ZNF148: variants seen among roughly 807,000 people sequenced by gnomAD.
ZNF148 encodes the protein zinc finger protein 148.
A neutral mutation model predicts 67.7 loss-of-function variants in ZNF148; 7 were observed. The observed-to-expected ratio is 0.10, with a 90% confidence interval of 0.06 to 0.19. ZNF148 has a LOEUF of 0.19. Ranked by LOEUF, ZNF148 falls within the 10% of genes least tolerant of loss-of-function variation. The pLI, the probability that ZNF148 is intolerant of heterozygous loss-of-function variation, is 1.00. For missense variants in ZNF148, 583 were observed against 947.1 expected, an observed-to-expected ratio of 0.62 and a Z score of 5.05; for synonymous variants, 333 against 330.7, an observed-to-expected ratio of 1.01 and a Z score of -0.08.
At chr3:125,371,388 AG>A (rs1942879254) in intron 1 of ZNF148, among the ~76,000 whole-genome samples, 1 of 65,582 alleles carries the variant, frequency 1.5e-5, no homozygotes, top group East Asian at 4.6e-4. Flanking sequence ...GGGGGGGGGC[AG>A]GGCGAAGTGG....
In ZNF148 at chr3:125,344,278, G is replaced by A. The variant is rs954361904; in HGVS notation, c.-233-13040C>T. 9.5e-6 allele frequency: 4 copies of A among 421,438 alleles called. No homozygotes were observed. The South Asian group carries it at 1.0e-4, about 10-fold the overall frequency. 26.1% of individuals were successfully genotyped at this position (421,438 alleles called of 1,614,324 possible). On this transcript the variant is annotated intron_variant, in intron 1 of 8. Transcript: ENST00000360647. ...CCCACTACCACCAAACGACACGAAA[G>A]AGAATGAAGTGAAGCCCCCATGACC...
At chr3:125,357,992 T>C (rs1202659496) in intron 1 of ZNF148, among the ~76,000 whole-genome samples, 2 of 152,232 alleles carry the variant, frequency 1.3e-5, no homozygotes, top group Non-Finnish European at 2.9e-5. Context: ...CTTTCCATTT[T>C]ACTTTTCTAA....
intron 4 of ZNF148, among the ~76,000 whole-genome samples, chr3:125,299,630 T>C (rs1939482251): frequency 6.6e-6 from 1 of 152,212 alleles, no homozygotes; most frequent in Non-Finnish European, 1.5e-5. Context: ...GTGAGGATAC[T>C]GAAAAATAGA....
At chr3:125,280,517 A>G (rs1490962230) in intron 5 of ZNF148, among the ~76,000 whole-genome samples, 7 of 151,940 alleles carry the variant, frequency 4.6e-5, no homozygotes, top group Admixed American at 1.3e-4. Flanking sequence ...CCCCGTCTCC[A>G]CTAAAATACA....
intron 3 of ZNF148, among the ~76,000 whole-genome samples, chr3:125,322,639 G>A: frequency 6.6e-6 from 1 of 152,150 alleles, no homozygotes; most frequent in Non-Finnish European, 1.5e-5. Flanking sequence ...AAGAAGAGCA[G>A]AGCAAGACAA....
intron 7 of ZNF148, among the ~76,000 whole-genome samples, chr3:125,271,943 T>A (rs898533235): frequency 1.1e-4 from 17 of 152,244 alleles, no homozygotes; most frequent in Admixed American, 9.8e-4. Context: ...TGTGTGTTTC[T>A]GAATCGATTA....
At chr3:125,234,109 G>C (rs1935975971) in intron 8 of ZNF148, 102 bp downstream of exon 8, 1 of 1,218,816 alleles carries the variant, frequency 8.2e-7, no homozygotes, top group Non-Finnish European at 1.1e-6. Flanking sequence ...GTAAGAGTTA[G>C]AAGGCCCCTT....
intron 7 of ZNF148, among the ~76,000 whole-genome samples, chr3:125,254,788 T>TATGAAA (rs1241499800): frequency 6.6e-6 from 1 of 152,228 alleles, no homozygotes; most frequent in African/African-American, 2.4e-5. Context: ...TCTGTTTTGA[T>TATGAAA]ATGAATCTAA....
At chr3:125,309,914 A>C (rs1281990642) in intron 4 of ZNF148, among the ~76,000 whole-genome samples, 1 of 152,196 alleles carries the variant, frequency 6.6e-6, no homozygotes, top group African/African-American at 2.4e-5. Context: ...TGGGCCATAA[A>C]ATACAATCTA....
chr3:125,345,581 T>TAACAAA (rs1553713882), intron 1 of ZNF148, among the ~76,000 whole-genome samples: 1 of 150,578 alleles, frequency 6.6e-6, no homozygotes, highest in Non-Finnish European at 1.5e-5. Context: ...CTATCAAAAC[T>TAACAAA]AACAACAACA....
At chr3:125,364,650 AGTT>A (rs60485266) in intron 1 of ZNF148, among the ~76,000 whole-genome samples, 114,592 of 151,744 alleles carry the variant, frequency 0.76, 43,794 homozygotes, top group African/African-American at 0.85. Context: ...TCAGAATAAT[AGTT>A]ATTTTTGGTT....
At chr3:125,260,269 A>G (rs1937278225) in intron 7 of ZNF148, among the ~76,000 whole-genome samples, 1 of 152,134 alleles carries the variant, frequency 6.6e-6, no homozygotes, top group Non-Finnish European at 1.5e-5. Flanking sequence ...ATGCTGACAG[A>G]CGCTCAACAC....
intron 1 of ZNF148, among the ~76,000 whole-genome samples, chr3:125,331,983 T>A (rs1941309003): frequency 6.6e-6 from 1 of 152,154 alleles, no homozygotes. Context: ...AAACAATAGA[T>A]AAAGCATTTT....
chr3:125,277,335 A>G (rs1938128893), intron 7 of ZNF148, among the ~76,000 whole-genome samples: 1 of 152,198 alleles, frequency 6.6e-6, no homozygotes, highest in Admixed American at 6.5e-5. Flanking sequence ...AGGGTAAGGT[A>G]TATACATGAA....
chr3:125,283,842 T>A (rs866945469), intron 5 of ZNF148, among the ~76,000 whole-genome samples: 43 of 152,260 alleles, frequency 2.8e-4, no homozygotes, highest in Middle Eastern at 3.4e-3. Flanking sequence ...ATATAATAAA[T>A]TGCTGGGAAA....
chr3:125,369,261 C>CA (rs71148178), intron 1 of ZNF148, among the ~76,000 whole-genome samples: 1,713 of 12,864 alleles, frequency 0.13, 711 homozygotes, highest in African/African-American at 0.28. Context: ...GATCCTGCCT[C>CA]AAAAAAAAAA....
intron 2 of ZNF148, among the ~76,000 whole-genome samples, chr3:125,329,788 T>C (rs1941204304): frequency 6.6e-6 from 1 of 151,928 alleles, no homozygotes; most frequent in Admixed American, 6.6e-5. Flanking sequence ...TATGTCCAAA[T>C]ATCAGAATAC....
At chr3:125,319,498 G>A (rs903601663) in intron 3 of ZNF148, among the ~76,000 whole-genome samples, 1 of 152,096 alleles carries the variant, frequency 6.6e-6, no homozygotes, top group African/African-American at 2.4e-5. Flanking sequence ...TGTTCTACAA[G>A]GGTCAATTAA....
chr3:125,280,605 CAGG>C (rs1938325455), intron 5 of ZNF148, among the ~76,000 whole-genome samples: 1 of 150,574 alleles, frequency 6.6e-6, no homozygotes, highest in Non-Finnish European at 1.5e-5. Flanking sequence ...TCACTTGGGC[CAGG>C]AGGTCAAGGC....
Sources: allele counts gnomAD v4.1 joint callset (sites outside exome capture counted in the v4.1 genomes callset), GRCh38; gene constraint gnomAD v4.1.1; transcripts MANE v1.5; gene names NCBI Gene and HGNC (gene_info 2026-07-23, HGNC 2026-07-21).